The following SYNDIG1L variants were observed in gnomAD, a reference collection of about 807,000 sequenced individuals.
SYNDIG1L encodes the protein synapse differentiation inducing 1 like, also known as synapse differentiation-inducing gene protein 1-like.
A neutral mutation model predicts 20.1 loss-of-function variants in SYNDIG1L; 13 were observed. That is an observed-to-expected ratio of 0.65 (90% CI 0.42 to 1.03). The LOEUF (loss-of-function observed/expected upper bound fraction) is 1.03. Among genes scored for constraint, SYNDIG1L ranks in the 50% least tolerant of loss-of-function variants. The pLI is 0.00. For missense variants in SYNDIG1L, 294 were observed against 305.1 expected (o/e 0.96, Z 0.27); for synonymous variants, 128 against 129.3 (o/e 0.99, Z 0.07).
rs957040266 is a variant in SYNDIG1L at position 74,406,297 on chromosome 14, C to T, written c.*1238G>A. On this transcript the variant is annotated 3_prime_UTR_variant, in exon 4 of 4. Coordinates refer to ENST00000331628, the MANE Select transcript of SYNDIG1L (RefSeq NM_001105579.2). ...CTAGCATTCAGAGATGGGAAAACAT[C>T]ATTGGTCTTTGAGAGACAGGTGTGA... 1.5e-5 allele frequency: 6 copies of T among 389,496 alleles called. No individual in the cohort carries two copies. In the Admixed American group the frequency reaches 2.2e-4, roughly 14 times the overall value. 24.1% of individuals were successfully genotyped at this position (389,496 alleles called of 1,614,324 possible). A position where few individuals can be genotyped will look rare whatever the true frequency, so the allele number is the denominator to read the frequency against.
At chr14:74,478,514 C>T in the SYNDIG1L span, among the ~76,000 whole-genome samples, 1 of 152,144 alleles carries the variant, frequency 6.6e-6, no homozygotes, top group Non-Finnish European at 1.5e-5. Context: ...GGCAAGTACT[C>T]ATTTTGCATG....
chr14:74,451,724 G>T, the SYNDIG1L span, among the ~76,000 whole-genome samples: 1 of 152,150 alleles, frequency 6.6e-6, no homozygotes, highest in Non-Finnish European at 1.5e-5. Flanking sequence ...GGGTACGGTG[G>T]CTCATGCCTG....
At chr14:74,472,573 A>G in the SYNDIG1L span, among the ~76,000 whole-genome samples, 657 of 152,372 alleles carry the variant, frequency 4.3e-3, 4 homozygotes, top group African/African-American at 0.015. Context: ...GGAAAGCCAG[A>G]CATTGATCAA....
chr14:74,426,292 T>G (rs2086265599), upstream of SYNDIG1L, among the ~76,000 whole-genome samples: 1 of 152,036 alleles, frequency 6.6e-6, no homozygotes, highest in Admixed American at 6.5e-5. Context: ...CCGTGCTCCC[T>G]TCCACGCTCC....
rs759937969 is a variant in SYNDIG1L at position 74,407,836 on chromosome 14, CAG to C, written c.558+11_558+12del. 164 of 1,607,718 alleles carry C rather than the reference CAG, an allele frequency of 1.0e-4. No individual in the cohort carries two copies. The highest frequency in any genetic ancestry group is 1.1e-4 in the Non-Finnish European group (127 of 1,177,008). On this transcript the variant is annotated intron_variant, in intron 3 of 3. Coordinates refer to ENST00000331628, the MANE Select transcript of SYNDIG1L (RefSeq NM_001105579.2). ...CGGGCCAGAGAAGGGACCTGGGCCCCAGGTGCTCTTACCCCCTGGGAGAAGTA... is the reference window on the plus strand; with the variant it reads ...CGGGCCAGAGAAGGGACCTGGGCCCCGTGCTCTTACCCCCTGGGAGAAGTA...
At chr14:74,438,870 T>C in the SYNDIG1L span, among the ~76,000 whole-genome samples, 1 of 152,232 alleles carries the variant, frequency 6.6e-6, no homozygotes, top group Non-Finnish European at 1.5e-5. Context: ...TATTCCATTT[T>C]GCAGGTGAGG....
chr14:74,414,911 G>C (rs956920566), intron 1 of SYNDIG1L, among the ~76,000 whole-genome samples: 20 of 152,252 alleles, frequency 1.3e-4, no homozygotes, highest in African/African-American at 4.8e-4. Context: ...ATCACCAAGG[G>C]AGTAAGAACT....
chr14:74,461,133 C>G, the SYNDIG1L span, among the ~76,000 whole-genome samples: 3,984 of 150,376 alleles, frequency 0.026, 178 homozygotes, highest in African/African-American at 0.093. Flanking sequence ...GGGGACTACA[C>G]AGTCAGGTTT....
chr14:74,434,709 C>G, the SYNDIG1L span, among the ~76,000 whole-genome samples: 4 of 152,134 alleles, frequency 2.6e-5, 1 homozygote, highest in African/African-American at 7.2e-5. Context: ...GGATTTAATT[C>G]ATTTCATTCT....
At chr14:74,439,016 A>C in the SYNDIG1L span, among the ~76,000 whole-genome samples, 3 of 150,870 alleles carry the variant, frequency 2.0e-5, no homozygotes, top group African/African-American at 7.3e-5. Context: ...TGGGAGGCTG[A>C]GGCAGGAAAA....
the SYNDIG1L span, among the ~76,000 whole-genome samples, chr14:74,456,779 G>T: frequency 2.6e-5 from 4 of 152,104 alleles, no homozygotes; most frequent in African/African-American, 7.2e-5. Context: ...GTATGCAATA[G>T]GACTTCCTAG....
chr14:74,465,284 T>C, the SYNDIG1L span, among the ~76,000 whole-genome samples: 4 of 152,234 alleles, frequency 2.6e-5, no homozygotes, highest in African/African-American at 7.2e-5. Flanking sequence ...ATCCACCTTT[T>C]TGAGACCCAC....
At chr14:74,453,000 C>T in the SYNDIG1L span, among the ~76,000 whole-genome samples, 1 of 152,142 alleles carries the variant, frequency 6.6e-6, no homozygotes, top group Admixed American at 6.5e-5. Flanking sequence ...TACAGTATTA[C>T]TCCATTTTTA....
intron 1 of SYNDIG1L, among the ~76,000 whole-genome samples, chr14:74,414,113 A>T (rs1423270799): frequency 3.9e-5 from 6 of 152,122 alleles, no homozygotes; most frequent in Non-Finnish European, 5.9e-5. Context: ...AGAGCAGAGC[A>T]ATTATCATCA....
At chr14:74,455,804 T>C in the SYNDIG1L span, among the ~76,000 whole-genome samples, 35 of 152,270 alleles carry the variant, frequency 2.3e-4, no homozygotes, top group African/African-American at 8.4e-4. Flanking sequence ...TCCCAAGGCC[T>C]TCTTTACCGC....
intron 1 of SYNDIG1L, among the ~76,000 whole-genome samples, chr14:74,425,528 G>C (rs2086257402): frequency 6.6e-6 from 1 of 152,144 alleles, no homozygotes; most frequent in African/African-American, 2.4e-5. Flanking sequence ...TGCGAGAAGA[G>C]GGGAGCTTAG....
the SYNDIG1L span, among the ~76,000 whole-genome samples, chr14:74,460,575 G>A: frequency 6.6e-6 from 1 of 152,156 alleles, no homozygotes; most frequent in Non-Finnish European, 1.5e-5. Context: ...GAAACCCTTG[G>A]CTTTTTCTTT....
chr14:74,434,514 T>G, the SYNDIG1L span, among the ~76,000 whole-genome samples: 1 of 150,578 alleles, frequency 6.6e-6, no homozygotes, highest in Non-Finnish European at 1.5e-5. Flanking sequence ...GGAAACACAG[T>G]GGAGGGGGAG....
At chr14:74,416,757 G>A (rs532007795) in intron 1 of SYNDIG1L, among the ~76,000 whole-genome samples, 1 of 152,190 alleles carries the variant, frequency 6.6e-6, no homozygotes, top group Non-Finnish European at 1.5e-5. Context: ...GAGAGTAAAA[G>A]GATGGAATAA....
Sources: allele counts gnomAD v4.1 joint callset (sites outside exome capture counted in the v4.1 genomes callset), GRCh38; gene constraint gnomAD v4.1.1; transcripts MANE v1.5; gene names NCBI Gene and HGNC (gene_info 2026-07-23, HGNC 2026-07-21).